The following CHCHD6 variants were observed in gnomAD, a reference collection of about 807,000 sequenced individuals.
The protein encoded by CHCHD6 is MICOS complex subunit MIC25.
Under a neutral mutation model 32.3 loss-of-function variants are expected in CHCHD6, and 28 were observed. The observed-to-expected ratio is 0.87, with a 90% confidence interval of 0.64 to 1.19. CHCHD6 has a LOEUF of 1.19. Ranked by LOEUF, CHCHD6 falls within the 50% of genes most tolerant of loss-of-function variation. The probability of loss-of-function intolerance (pLI) is 0.00; values close to 1 mark genes in which losing one functional copy is unlikely to be tolerated. For synonymous variants in CHCHD6, 122 were observed against 117.5 expected (o/e 1.04, Z -0.25); for missense variants, 333 against 307.0 (o/e 1.08, Z -0.63).
chr3:126,812,018 G>A (rs186254337), intron 4 of CHCHD6, among the ~76,000 whole-genome samples: 3 of 151,902 alleles, frequency 2.0e-5, no homozygotes, highest in East Asian at 3.9e-4. Context: ...CAAGAGCATC[G>A]CTTTTACTAT....
chr3:126,802,835 A>G (rs1939151719), intron 4 of CHCHD6, among the ~76,000 whole-genome samples: 1 of 152,252 alleles, frequency 6.6e-6, no homozygotes, highest in African/African-American at 2.4e-5. Context: ...TTACCCACAA[A>G]GGGAAGCCCA....
chr3:126,831,256 A>C (rs1344952159), intron 4 of CHCHD6, among the ~76,000 whole-genome samples: 2 of 151,562 alleles, frequency 1.3e-5, no homozygotes, highest in Non-Finnish European at 2.9e-5. Context: ...CGATCTCCTG[A>C]CCTCTTGATC....
At chr3:126,841,681 G>GGATC (rs1000663841) in intron 4 of CHCHD6, among the ~76,000 whole-genome samples, 62 of 152,102 alleles carry the variant, frequency 4.1e-4, no homozygotes, top group African/African-American at 1.5e-3. Flanking sequence ...CAAGGTGGGA[G>GGATC]GATCGCTTAA....
intron 6 of CHCHD6, chr3:126,952,925 C>T (rs2078735604): frequency 1.0e-5 from 10 of 975,532 alleles, no homozygotes; most frequent in Non-Finnish European, 1.2e-5. Flanking sequence ...GACCAGGACC[C>T]ATGTGCCTTG....
intron 6 of CHCHD6, among the ~76,000 whole-genome samples, chr3:126,918,351 T>C (rs374852235): frequency 1.3e-5 from 2 of 152,210 alleles, no homozygotes; most frequent in East Asian, 3.8e-4. Context: ...TATTCATTCA[T>C]TCATTGAATA....
At chr3:126,906,039 C>T (rs2078000722) in intron 5 of CHCHD6, among the ~76,000 whole-genome samples, 1 of 152,130 alleles carries the variant, frequency 6.6e-6, no homozygotes, top group African/African-American at 2.4e-5. Flanking sequence ...GGCCAAGCTT[C>T]CTGAGTAGAT....
chr3:126,956,698 T>C (rs758809848), intron 6 of CHCHD6, among the ~76,000 whole-genome samples: 1 of 143,428 alleles, frequency 7.0e-6, no homozygotes, highest in Non-Finnish European at 1.5e-5. Flanking sequence ...CTTTAGTTTA[T>C]CTATATTTGC....
chr3:126,903,106 G>C (rs1000460524), intron 5 of CHCHD6, among the ~76,000 whole-genome samples: 1 of 152,196 alleles, frequency 6.6e-6, no homozygotes, highest in Non-Finnish European at 1.5e-5. Context: ...CAGGAGTGTG[G>C]CTGGCCGCTG....
At chr3:126,763,311 C>T (rs1462073848) in intron 4 of CHCHD6, among the ~76,000 whole-genome samples, 9 of 145,520 alleles carry the variant, frequency 6.2e-5, no homozygotes, top group African/African-American at 2.3e-4. Context: ...CCTCTTCTCC[C>T]CTTTTTCCCC....
In CHCHD6 at chr3:126,949,079, C is replaced by T. The variant is rs115280188; in HGVS notation, c.567-8337C>T. 3.5e-3 allele frequency among the ~76,000 whole-genome samples: 526 copies of T among 152,350 alleles called. 10 individuals are homozygous for T. The highest frequency in any genetic ancestry group is 0.012 in the African/African-American group (511 of 41,582). ...GCATTAATAGACAGTGGTGGCACAG[C>T]TCCTGCCTTATAGCACTGCCAGGTC... On this transcript the variant is annotated intron_variant, in intron 6 of 7. Transcript: ENST00000290913.
intron 4 of CHCHD6, among the ~76,000 whole-genome samples, chr3:126,785,835 A>G (rs896438739): frequency 2.0e-5 from 3 of 151,950 alleles, no homozygotes; most frequent in Non-Finnish European, 2.9e-5. Context: ...ATATAAGTAG[A>G]TATTTATCAT....
chr3:126,904,631 T>C (rs1320021467), intron 5 of CHCHD6, among the ~76,000 whole-genome samples: 1 of 152,186 alleles, frequency 6.6e-6, no homozygotes, highest in African/African-American at 2.4e-5. Context: ...ACTGAAATGA[T>C]AGACTCAGCC....
intron 5 of CHCHD6, among the ~76,000 whole-genome samples, chr3:126,864,855 T>TTCCTCCTCCACCATCATC (rs1942197807): frequency 4.9e-5 from 1 of 20,372 alleles, no homozygotes; most frequent in Admixed American, 5.1e-4. Flanking sequence ...TCATCTCCTC[T>TTCCTCCTCCACCATCATC]TCCTCCTCCA....
intron 4 of CHCHD6, among the ~76,000 whole-genome samples, chr3:126,754,004 A>G (rs1936844449): frequency 6.6e-6 from 1 of 152,168 alleles, no homozygotes; most frequent in South Asian, 2.1e-4. Flanking sequence ...AGAATTATTC[A>G]CATGCTTCCT....
intron 6 of CHCHD6, among the ~76,000 whole-genome samples, chr3:126,938,264 G>C (rs1290444241): frequency 6.6e-6 from 1 of 152,218 alleles, no homozygotes; most frequent in Non-Finnish European, 1.5e-5. Flanking sequence ...ACCGTAGCCA[G>C]AGCGACAGCT....
At chr3:126,905,642 C>G (rs1275865624) in intron 5 of CHCHD6, among the ~76,000 whole-genome samples, 1 of 151,984 alleles carries the variant, frequency 6.6e-6, no homozygotes, top group Non-Finnish European at 1.5e-5. Flanking sequence ...GGGGATGGAG[C>G]AGCGGGGTGG....
intron 4 of CHCHD6, among the ~76,000 whole-genome samples, chr3:126,824,359 C>T (rs1279793697): frequency 6.0e-5 from 9 of 151,068 alleles, no homozygotes; most frequent in South Asian, 2.1e-4. Context: ...GTCGGGAGTT[C>T]GAGACCAGCC....
Position 126,960,265 on chromosome 3 carries a change from G to T in CHCHD6, c.*64G>T. The T allele has an allele frequency of 1.9e-6, 3 of 1,543,918 alleles. No homozygotes were observed. The highest frequency in any genetic ancestry group is 2.4e-5 in the South Asian group (2 of 83,912). ...GCCCTGAAGAAGGGACCAATCATGG[G>T]ACCACAGCCACTGTGCCCTGCCGTT... On this transcript the variant is annotated 3_prime_UTR_variant, in exon 8 of 8. Transcript: ENST00000290913.
rs550222037 is a variant in CHCHD6, at chr3:126,827,963, T to C, written c.412-24684T>C. Among the ~76,000 whole-genome samples the C allele has an allele frequency of 1.8e-3, 268 of 152,302 alleles. 3 individuals carry two copies. Among genetic ancestry groups the C allele is most frequent in the Admixed American group, 6.3e-3 (96 of 15,306 alleles). On this transcript the variant is annotated intron_variant, in intron 4 of 7. Coordinates refer to ENST00000290913, the MANE Select transcript of CHCHD6 (RefSeq NM_032343.3). ...TTTGGCTCTCTCCTCCCTGTGCCCC[T>C]CTGAACATCCTTCACCTATTAACTC...
Sources: gnomAD v4.1 joint callset for allele counts (sites outside exome capture counted in the v4.1 genomes callset) on GRCh38, gnomAD v4.1.1 for gene constraint, MANE v1.5 for transcripts, NCBI Gene and HGNC (gene_info 2026-07-23, HGNC 2026-07-21) for gene names.